Variants in SLC9A9 observed in about 807,000 individuals in gnomAD.
SLC9A9 encodes the protein solute carrier family 9 member A9.
A neutral mutation model predicts 77.8 loss-of-function variants in SLC9A9; 62 were observed. The observed-to-expected ratio is 0.80, with a 90% CI of 0.65 to 0.98. SLC9A9 has a LOEUF of 0.98. Ranked by LOEUF, SLC9A9 falls within the 50% of genes least tolerant of loss-of-function variation. The pLI is 0.00. For missense variants in SLC9A9, 775 were observed against 774.9 expected, an observed-to-expected ratio of 1.00 and a Z score of 0.00; for synonymous variants, 320 against 283.5, an observed-to-expected ratio of 1.13 and a Z score of -1.29.
chr3:143,373,605 T>TAAAAATA (rs2033107079), intron 13 of SLC9A9, among the ~76,000 whole-genome samples: 1 of 58,624 alleles, frequency 1.7e-5, no homozygotes, highest in Non-Finnish European at 3.1e-5. Context: ...ACTGAAATAG[T>TAAAAATA]AAAAAAAAAA....
chr3:143,423,490 G>C (rs901472165), intron 12 of SLC9A9, among the ~76,000 whole-genome samples: 3 of 152,110 alleles, frequency 2.0e-5, no homozygotes, highest in Non-Finnish European at 4.4e-5. Flanking sequence ...CAATAAAAAG[G>C]CTTTAAAATG....
chr3:143,714,107 G>A (rs952136525), intron 4 of SLC9A9, among the ~76,000 whole-genome samples: 1 of 152,172 alleles, frequency 6.6e-6, no homozygotes, highest in Non-Finnish European at 1.5e-5. Flanking sequence ...GACATAGAAG[G>A]TGGCATTTGC....
At position 143,587,042 on chromosome 3, in the gene SLC9A9, C is replaced by T. The variant is rs142866223; in HGVS notation, c.756-8319G>A. Among the ~76,000 whole-genome samples the T allele has an allele frequency of 1.3e-3, 196 of 152,274 alleles. 7 individuals are homozygous for T. The East Asian group carries it at 0.035, about 27-fold the overall frequency. On this transcript the variant is annotated intron_variant, in intron 6 of 15. Coordinates refer to ENST00000316549, the MANE Select transcript of SLC9A9 (RefSeq NM_173653.4). ...TATACCAGAGAGTGATTTTCCAAAT[C>T]CTTGATGAATATCATCTTGTCATTT...
At chr3:143,419,222 C>T (rs557475532) in intron 12 of SLC9A9, among the ~76,000 whole-genome samples, 4 of 152,302 alleles carry the variant, frequency 2.6e-5, no homozygotes, top group East Asian at 1.9e-4. Flanking sequence ...TTACAAAGCA[C>T]TTACTATGTG....
At chr3:143,789,673 A>G (rs1433323376) in intron 4 of SLC9A9, among the ~76,000 whole-genome samples, 1 of 151,912 alleles carries the variant, frequency 6.6e-6, no homozygotes, top group African/African-American at 2.4e-5. Context: ...AGGTTCCAGA[A>G]CCTGTTCCAA....
intron 5 of SLC9A9, among the ~76,000 whole-genome samples, chr3:143,661,253 T>A (rs943288152): frequency 5.3e-5 from 8 of 152,332 alleles, no homozygotes; most frequent in East Asian, 3.9e-4. Context: ...CTTTTTTGTA[T>A]TTTCTAAAAT....
At chr3:143,549,130 G>GT (rs1322590526) in intron 9 of SLC9A9, among the ~76,000 whole-genome samples, 1 of 152,202 alleles carries the variant, frequency 6.6e-6, no homozygotes, top group African/African-American at 2.4e-5. Context: ...ACCTTTCCCA[G>GT]TTTCAGAAGG....
intron 4 of SLC9A9, among the ~76,000 whole-genome samples, chr3:143,695,622 G>A (rs550727045): frequency 1.6e-4 from 25 of 152,080 alleles, no homozygotes; most frequent in East Asian, 5.8e-4. Flanking sequence ...CTTTGCTATC[G>A]TGAATAATGC....
intron 12 of SLC9A9, among the ~76,000 whole-genome samples, chr3:143,441,877 T>TCCAG (rs2034745837): frequency 6.7e-6 from 1 of 149,502 alleles, no homozygotes; most frequent in Admixed American, 6.7e-5. Context: ...CATCCATCCA[T>TCCAG]CCACTCATCC....
intron 12 of SLC9A9, among the ~76,000 whole-genome samples, chr3:143,393,116 C>T (rs2033611812): frequency 6.6e-6 from 1 of 152,242 alleles, no homozygotes; most frequent in Non-Finnish European, 1.5e-5. Flanking sequence ...CTACAGAACT[C>T]TCCACCTCAA....
At chr3:143,694,710 G>A (rs372329848) in intron 4 of SLC9A9, among the ~76,000 whole-genome samples, 4 of 152,104 alleles carry the variant, frequency 2.6e-5, no homozygotes, top group African/African-American at 9.7e-5. Context: ...CTAAAGCCTT[G>A]GCTTTTAACC....
intron 6 of SLC9A9, among the ~76,000 whole-genome samples, chr3:143,621,478 C>A (rs918127998): frequency 6.6e-6 from 1 of 152,216 alleles, no homozygotes; most frequent in African/African-American, 2.4e-5. Context: ...GTTCTGCAGC[C>A]TCCGCTGCTG....
chr3:143,576,687 G>A (rs915853900), intron 7 of SLC9A9, among the ~76,000 whole-genome samples: 1 of 152,136 alleles, frequency 6.6e-6, no homozygotes, highest in East Asian at 1.9e-4. Context: ...CTGGCTGCAT[G>A]ACCTTGGGCA....
At position 143,559,917 on chromosome 3, in the gene SLC9A9, C is replaced by A. The variant is rs1429856772; in HGVS notation, c.1001-7467G>T. 3.3e-5 allele frequency among the ~76,000 whole-genome samples: 5 copies of A among 152,170 alleles called. No homozygotes were observed. The South Asian group carries it at 8.3e-4, about 25-fold the overall frequency. On this transcript the variant is annotated intron_variant, in intron 8 of 15. Transcript: ENST00000316549. ...GCCCAAGCGACAGAGCAGTTCACCCCACAAAGGAACCCACTCCCTCTCTCC... is the reference window on the plus strand; with the variant it reads ...GCCCAAGCGACAGAGCAGTTCACCCAACAAAGGAACCCACTCCCTCTCTCC...
At chr3:143,483,005 C>T (rs533963306) in intron 11 of SLC9A9, among the ~76,000 whole-genome samples, 2 of 152,174 alleles carry the variant, frequency 1.3e-5, no homozygotes, top group Non-Finnish European at 2.9e-5. Flanking sequence ...TTATGACCTC[C>T]TGGCCTTGAA....
chr3:143,418,079 A>T (rs1003573725), intron 12 of SLC9A9, among the ~76,000 whole-genome samples: 2 of 150,994 alleles, frequency 1.3e-5, no homozygotes, highest in Non-Finnish European at 3.0e-5. Context: ...AAAAGTTGGC[A>T]TACAAATCTC....
At chr3:143,270,939 A>G (rs1033441395) in intron 14 of SLC9A9, among the ~76,000 whole-genome samples, 5 of 152,230 alleles carry the variant, frequency 3.3e-5, no homozygotes, top group Admixed American at 3.3e-4. Context: ...AAAAAATTAA[A>G]TGGAAAATCC....
Position 143,796,909 on chromosome 3 carries a change from A to G in SLC9A9, c.379-6T>C. 1 of 1,609,782 alleles carries G rather than the reference A, an allele frequency of 6.2e-7. No individual in the cohort carries two copies. ...ATTTCTGGATCAAATGTCATCTGCC[A>G]GAAAGGAAAAAAAGGATAGTTAGAA... is the stretch of plus-strand genomic sequence containing the variant. On this transcript the variant is annotated splice_polypyrimidine_tract_variant and splice_region_variant and intron_variant, in intron 2 of 15. Transcript: ENST00000316549.
Position 143,413,040 on chromosome 3 carries a change from G to T in SLC9A9, c.1470-30926C>A, listed in dbSNP as rs139181735. On this transcript the variant is annotated intron_variant, in intron 12 of 15. Transcript: ENST00000316549. ...TTGTGGGCTTTCCCTTACAGAAAAC[G>T]CCTCTGAATCCTACAGGAGGAACTT... 8.5e-5 allele frequency among the ~76,000 whole-genome samples: 13 copies of T among 152,282 alleles called. No homozygotes were observed. The South Asian group carries it at 2.5e-3, about 29-fold the overall frequency.
Sources: gnomAD v4.1 joint callset for allele counts (sites outside exome capture counted in the v4.1 genomes callset) on GRCh38, gnomAD v4.1.1 for gene constraint, MANE v1.5 for transcripts, NCBI Gene and HGNC (gene_info 2026-07-23, HGNC 2026-07-21) for gene names.